Variants in UGP2 observed in about 807,000 individuals in gnomAD.
UGP2 encodes the protein UTP--glucose-1-phosphate uridylyltransferase.
UGP2 carries 40 observed loss-of-function variants against 49.0 expected under a neutral mutation model. The observed-to-expected ratio is 0.82, with a 90% CI of 0.63 to 1.06. The LOEUF (loss-of-function observed/expected upper bound fraction) is 1.06. UGP2 is among the 50% of genes least tolerant of loss of function. UGP2 has a pLI of 0.00. For missense variants in UGP2, 460 were observed against 603.5 expected (o/e 0.76, Z 2.49); for synonymous variants, 225 against 213.0 (o/e 1.06, Z -0.49).
intron 3 of UGP2, among the ~76,000 whole-genome samples, chr2:63,863,428 G>A (rs922249969): frequency 6.6e-6 from 1 of 152,004 alleles, no homozygotes; most frequent in Non-Finnish European, 1.5e-5. Context: ...GCACAGTTGG[G>A]AGCATTATAA....
chr2:63,879,895 A>C (rs1031078596), intron 3 of UGP2, among the ~76,000 whole-genome samples: 1 of 152,166 alleles, frequency 6.6e-6, no homozygotes, highest in Non-Finnish European at 1.5e-5. Flanking sequence ...CTGAACTAAA[A>C]ATTTTACCTA....
intron 1 of UGP2, among the ~76,000 whole-genome samples, chr2:63,845,272 A>T (rs566236349): frequency 1.2e-4 from 18 of 152,212 alleles, no homozygotes; most frequent in Non-Finnish European, 2.2e-4. Flanking sequence ...AAAATTGGGC[A>T]GTAATGCTTA....
chr2:63,849,715 GA>G (rs1668915835), intron 1 of UGP2, among the ~76,000 whole-genome samples: 1 of 152,168 alleles, frequency 6.6e-6, no homozygotes, highest in Admixed American at 6.5e-5. Flanking sequence ...CTGTAACTGA[GA>G]AAGGAGAGAC....
chr2:63,890,120 A>G lies in UGP2; in HGVS notation c.1354A>G (p.Met452Val), dbSNP rs1466954349. The G allele has an allele frequency of 1.2e-6, 2 of 1,612,512 alleles. No individual in the cohort carries two copies. The highest frequency in any genetic ancestry group is 1.7e-6 in the Non-Finnish European group (2 of 1,179,534). The stretch of plus-strand genomic sequence containing the variant: ...AAGAAGATTTGAAAGTATACCAGAT[A>G]TGCTTGAATTGGATCACCTCACAGT... Reference protein sequence around the residue: ...YLRRFESIPDMLELDHLTVSG... With the variant: ...YLRRFESIPDVLELDHLTVSG... The change falls in exon 9 of 10, where the codon ATG becomes GTG. Residue 452 changes from methionine to valine, a missense_variant. Transcript: ENST00000337130.
At chr2:63,873,806 T>C (rs375247592) in intron 3 of UGP2, among the ~76,000 whole-genome samples, 1 of 152,108 alleles carries the variant, frequency 6.6e-6, no homozygotes, top group Non-Finnish European at 1.5e-5. Context: ...TTCAGCTACA[T>C]AGGATAGAGA....
intron 9 of UGP2, 125 bp downstream of exon 9, chr2:63,890,310 T>A: frequency 1.6e-6 from 1 of 634,092 alleles, no homozygotes; most frequent in Non-Finnish European, 2.7e-6. Flanking sequence ...ATTACTAGTG[T>A]AATTATTTTA....
At chr2:63,882,008 C>A (rs1178301150) in intron 3 of UGP2, among the ~76,000 whole-genome samples, 2 of 152,286 alleles carry the variant, frequency 1.3e-5, no homozygotes, top group Middle Eastern at 6.8e-3. Context: ...GTATTTGCCT[C>A]CTGTGGTAGA....
At chr2:63,853,386 T>G in intron 1 of UGP2, among the ~76,000 whole-genome samples, 1 of 152,096 alleles carries the variant, frequency 6.6e-6, no homozygotes, top group Non-Finnish European at 1.5e-5. Context: ...CAAGATAGCT[T>G]TATCTTGATT....
At chr2:63,856,948 C>A (rs1289331039) in intron 2 of UGP2, 4 of 390,962 alleles carry the variant, frequency 1.0e-5, no homozygotes, top group Non-Finnish European at 2.0e-5. Context: ...TGTTTTATTT[C>A]TTTTTGTTCT....
intron 1 of UGP2, among the ~76,000 whole-genome samples, chr2:63,848,580 T>C (rs1027554155): frequency 6.6e-6 from 1 of 152,176 alleles, no homozygotes; most frequent in Non-Finnish European, 1.5e-5. Context: ...GCCAGGCTGG[T>C]CTTGAACTCC....
Position 63,862,570 on chromosome 2 carries a change from C to T in UGP2, c.255+4634C>T, listed in dbSNP as rs1669922354. Among the ~76,000 whole-genome samples the T allele has an allele frequency of 3.3e-5, 5 of 152,078 alleles. No individual in the cohort carries two copies. The South Asian group carries it at 1.0e-3, about 31-fold the overall frequency. On this transcript the variant is annotated intron_variant, in intron 3 of 9. Coordinates refer to ENST00000337130, the MANE Select transcript of UGP2 (RefSeq NM_006759.4). ...ACTTTAGAAATAGCAATAGCAAATACATGGAACTTTAATGGCAGTTACATA... is the reference window on the plus strand; with the variant it reads ...ACTTTAGAAATAGCAATAGCAAATATATGGAACTTTAATGGCAGTTACATA...
At chr2:63,881,379 G>A (rs933152910) in intron 3 of UGP2, among the ~76,000 whole-genome samples, 17 of 134,902 alleles carry the variant, frequency 1.3e-4, no homozygotes, top group African/African-American at 3.6e-4. Context: ...ACACACACAC[G>A]TTCCTACGGT....
chr2:63,870,045 C>T (rs1186506811), intron 3 of UGP2, among the ~76,000 whole-genome samples: 2 of 151,780 alleles, frequency 1.3e-5, no homozygotes, highest in African/African-American at 2.4e-5. Context: ...GCCTCAGCCT[C>T]CTGAGTAGCT....
At chr2:63,886,613 C>A in intron 7 of UGP2, 75 bp downstream of exon 7, 2 of 1,510,770 alleles carry the variant, frequency 1.3e-6, no homozygotes, top group Non-Finnish European at 1.8e-6. Context: ...CCCCATCGCC[C>A]ACTCCCTCTG....
At position 63,886,214 on chromosome 2, in the gene UGP2, T is replaced by C. The variant is rs1474746345; in HGVS notation, c.874-127T>C. ...TTTAAATGTTATTTCATTGTCCCTT[T>C]TATGAAAATTTACTCTGTTTCTACA... is the stretch of plus-strand genomic sequence containing the variant. On this transcript the variant is annotated intron_variant, in intron 6 of 9. Transcript: ENST00000337130. 7.2e-6 allele frequency: 7 copies of C among 977,394 alleles called. No homozygotes were observed. In the African/African-American group the frequency reaches 1.2e-4, roughly 16 times the overall value. The allele number at this position is 977,394 out of a possible 1,614,324, so 60.5% of individuals were successfully genotyped here.
intron 8 of UGP2, 69 bp downstream of exon 8, chr2:63,887,713 G>A (rs565202757): frequency 3.2e-6 from 5 of 1,566,518 alleles, no homozygotes; most frequent in South Asian, 1.2e-5. Context: ...TGATATACAT[G>A]TGAATTGGAG....
At chr2:63,863,951 A>G (rs1405396435) in intron 3 of UGP2, among the ~76,000 whole-genome samples, 2 of 152,350 alleles carry the variant, frequency 1.3e-5, no homozygotes, top group East Asian at 1.9e-4. Context: ...TTCATCGTAC[A>G]TAGTCCTAAT....
At chr2:63,844,598 T>C (rs1353596568) in intron 1 of UGP2, among the ~76,000 whole-genome samples, 7 of 152,184 alleles carry the variant, frequency 4.6e-5, no homozygotes, top group Admixed American at 4.6e-4. Flanking sequence ...GGTCTCACTT[T>C]GTTGCCAGGC....
At chr2:63,886,571 G>T (rs551695825) in intron 7 of UGP2, 33 bp downstream of exon 7, 8 of 1,610,706 alleles carry the variant, frequency 5.0e-6, no homozygotes, top group Non-Finnish European at 5.9e-6. Context: ...TGAGCTTCCT[G>T]GTTCCTAAGG....
Sources: allele counts gnomAD v4.1 joint callset (sites outside exome capture counted in the v4.1 genomes callset), GRCh38; gene constraint gnomAD v4.1.1; transcripts MANE v1.5; gene names NCBI Gene and HGNC (gene_info 2026-07-23, HGNC 2026-07-21).